The following NUP210 variants were observed in gnomAD, a reference collection of about 807,000 sequenced individuals.
NUP210 encodes the protein nucleoporin 210.
NUP210 carries 151 observed loss-of-function variants against 196.0 expected under a neutral mutation model. That is an observed-to-expected ratio of 0.77 (90% CI 0.67 to 0.88). The LOEUF (loss-of-function observed/expected upper bound fraction) is 0.88. Among genes scored for constraint, NUP210 ranks in the 40% least tolerant of loss-of-function variants. The pLI is 0.00. For missense variants in NUP210, 2,314 were observed against 2,493.7 expected (o/e 0.93, Z 1.53); for synonymous variants, 1,070 against 1,052.7 (o/e 1.02, Z -0.32).
intron 17 of NUP210, 76 bp from the exon 18 acceptor site, chr3:13,353,736 G>C (rs1297750595): frequency 7.2e-7 from 1 of 1,380,212 alleles, no homozygotes; most frequent in Non-Finnish European, 1.0e-6. Flanking sequence ...CCCTCCTTCT[G>C]ATTTGCAGTT....
rs1265939612 is a variant in NUP210 at position 13,420,140 on chromosome 3, G to A, written c.87C>T (p.Asn29=). ...AGPSAAAAKL[N]IPKVLLPFTR... is the part of the protein sequence containing the mutation. ...TGAAGGGCAGCAGCACTTTGGGGAT[G>A]TTGAGCTTGGCCGCAGCGGCGGAGG... Residue 29 remains asparagine, a synonymous_variant, in exon 1 of 40, where the codon AAC becomes AAT. Transcript: ENST00000254508. This position sits in a 1 kb window ranked among gnomAD's most constrained non-coding sequence, Gnocchi z 4.8. 6 of 1,334,538 alleles carry A rather than the reference G, an allele frequency of 4.5e-6. No individual in the cohort carries two copies. In the Admixed American group the frequency reaches 7.9e-5, roughly 18 times the overall value. The allele number at this position is 1,334,538 out of a possible 1,614,324, so 82.7% of individuals were successfully genotyped here. A position where few individuals can be genotyped will look rare whatever the true frequency, so the allele number is the denominator to read the frequency against.
intron 15 of NUP210, among the ~76,000 whole-genome samples, chr3:13,358,982 T>C (rs894436474): frequency 6.6e-6 from 1 of 152,234 alleles, no homozygotes; most frequent in East Asian, 1.9e-4. Flanking sequence ...CCTGGAGAGC[T>C]GGGACCTCAG....
chr3:13,335,256 T>C (rs961827177), intron 28 of NUP210, among the ~76,000 whole-genome samples, 198 bp downstream of exon 28: 5 of 152,202 alleles, frequency 3.3e-5, no homozygotes, highest in Non-Finnish European at 7.3e-5. Context: ...AGCCTTTGCT[T>C]GGCCCCACCT....
intron 2 of NUP210, 59 bp from the exon 3 acceptor site, chr3:13,397,547 T>C: frequency 6.7e-7 from 1 of 1,498,428 alleles, no homozygotes; most frequent in Non-Finnish European, 8.9e-7. Flanking sequence ...TGGCTCCACT[T>C]CCAAGCCTTG....
At chr3:13,361,915 C>G (rs1423071347) in intron 14 of NUP210, among the ~76,000 whole-genome samples, 3 of 152,116 alleles carry the variant, frequency 2.0e-5, no homozygotes, top group African/African-American at 7.2e-5. Context: ...ACCCTCCTGT[C>G]CTTGTCTCAC....
chr3:13,319,517 T>C lies in NUP210; in HGVS notation c.5384-192A>G, dbSNP rs189700289. On this transcript the variant is annotated intron_variant, in intron 37 of 39. Coordinates refer to ENST00000254508, the MANE Select transcript of NUP210 (RefSeq NM_024923.4). ...CTGTTCTTGGTACCCTGGCACTTCT[T>C]CTCCTGGCGCAGGCTGCTGAGCAGA... 2.8e-3 allele frequency among the ~76,000 whole-genome samples: 388 copies of C among 138,708 alleles called. 1 individual carries two copies. The highest frequency in any genetic ancestry group is 0.011 in the Middle Eastern group (3 of 276). 91.0% of individuals were successfully genotyped at this position (138,708 alleles called of 152,430 possible). A position where few individuals can be genotyped will look rare whatever the true frequency, so the allele number is the denominator to read the frequency against.
intron 20 of NUP210, 21 bp from the exon 21 acceptor site, chr3:13,343,324 T>TGGGGGGG: frequency 9.4e-6 from 2 of 211,912 alleles, no homozygotes; most frequent in African/African-American, 1.1e-4. Context: ...GGGGCGGAGG[T>TGGGGGGG]GGAGGGGTGG....
intron 3 of NUP210, among the ~76,000 whole-genome samples, chr3:13,393,417 T>C (rs1699553371): frequency 6.6e-6 from 1 of 151,930 alleles, no homozygotes; most frequent in Non-Finnish European, 1.5e-5. Context: ...GGAAGAAGAG[T>C]TGAATGTGTG....
At chr3:13,387,685 G>A (rs1164394662) in intron 5 of NUP210, among the ~76,000 whole-genome samples, 16 of 152,224 alleles carry the variant, frequency 1.1e-4, no homozygotes, top group Admixed American at 1.0e-3. Flanking sequence ...CTCAAAACGA[G>A]GCACTGGTTG....
chr3:13,407,718 C>G (rs967331765), intron 1 of NUP210, among the ~76,000 whole-genome samples: 1 of 152,178 alleles, frequency 6.6e-6, no homozygotes, highest in Non-Finnish European at 1.5e-5. Flanking sequence ...CTGTCCCTAT[C>G]TGCAACACCC....
At chr3:13,394,359 C>T (rs1233921982) in intron 3 of NUP210, among the ~76,000 whole-genome samples, 5 of 152,190 alleles carry the variant, frequency 3.3e-5, no homozygotes, top group East Asian at 1.9e-4. Context: ...GCTTTTTCCA[C>T]GCAAAAAGAA....
chr3:13,320,632 CAAAAAA>C lies in NUP210; in HGVS notation c.5167-659_5167-654del, dbSNP rs35982089. ...TGGGCGACAGAGCGAGACTCCGTCT[CAAAAAA>C]AAAAAAAAAAAAACTTTGGGAGGCC... On this transcript the variant is annotated intron_variant, in intron 36 of 39. Coordinates refer to ENST00000254508, the MANE Select transcript of NUP210 (RefSeq NM_024923.4). Among the ~76,000 whole-genome samples, 11 of 67,468 alleles carry C rather than the reference CAAAAAA, an allele frequency of 1.6e-4. 1 individual carries two copies. The highest frequency in any genetic ancestry group is 5.8e-4 in the South Asian group (1 of 1,722). The allele number at this position is 67,468 out of a possible 152,430, so 44.3% of individuals were successfully genotyped here.
rs1698909853 is a variant in NUP210 at position 13,376,384 on chromosome 3, G to A, written c.1200C>T (p.Leu400=). Residue 400 remains leucine (L), a synonymous_variant, in exon 10 of 40, where the codon CTC becomes CTT. Coordinates refer to ENST00000254508, the MANE Select transcript of NUP210 (RefSeq NM_024923.4). Reference sequence around the variant, plus strand: ...GGTATGACCCATTCTGGGAGGACGAGAGCACCTCGAAGAACTCAGCAGGAA... The same window carrying A: ...GGTATGACCCATTCTGGGAGGACGAAAGCACCTCGAAGAACTCAGCAGGAA... ...TVLPAEFFEV[L]SSSQNGSYHR... 3.7e-6 allele frequency: 6 copies of A among 1,614,126 alleles called. No individual in the cohort carries two copies. Among genetic ancestry groups the A allele is most frequent in the East Asian group, 2.2e-5 (1 of 44,888 alleles).
intron 15 of NUP210, 60 bp downstream of exon 15, chr3:13,360,210 G>C: frequency 7.3e-7 from 1 of 1,377,346 alleles, no homozygotes. Flanking sequence ...ACAATACTGA[G>C]AGAGTCATTT....
chr3:13,353,634 C>T lies in NUP210; in HGVS notation c.2548G>A (p.Ala850Thr). 1 of 1,614,104 alleles carries T rather than the reference C, an allele frequency of 6.2e-7. No individual in the cohort carries two copies. Among genetic ancestry groups the T allele is most frequent in the South Asian group, 1.1e-5 (1 of 91,080 alleles). The change falls in exon 18 of 40, where the codon GCA becomes ACA. Residue 850 changes from alanine to threonine, a missense_variant. Physicochemically the swap from Ala to Thr is moderately conservative, Grantham distance 58 (BLOSUM62 0). Transcript: ENST00000254508. ...GCAGTGATGGCTGTGGTTCCTGATGCCTCGTGAACCAAAATGGCCTGCAAA... is the reference window on the plus strand; with the variant it reads ...GCAGTGATGGCTGTGGTTCCTGATGTCTCGTGAACCAAAATGGCCTGCAAA... ...HGLQAILVHE[A>T]SGTTAITATA...
chr3:13,360,493 TG>T lies in NUP210; in HGVS notation c.1933-3del. 1 of 1,604,692 alleles carries T rather than the reference TG, an allele frequency of 6.2e-7. No homozygotes were observed. Among genetic ancestry groups the T allele is most frequent in the South Asian group, 1.1e-5 (1 of 89,512 alleles). Reference sequence around the variant, plus strand: ...GGCAACAGAGGAGGGATCCACAGCCTGGGGACAGAAGAGGCAGAAGACTTGG... The same window carrying T: ...GGCAACAGAGGAGGGATCCACAGCCTGGGACAGAAGAGGCAGAAGACTTGG... On this transcript the variant is annotated splice_region_variant and splice_polypyrimidine_tract_variant and intron_variant, in intron 14 of 39. Transcript: ENST00000254508.
At chr3:13,367,390 G>A (rs1227447602) in intron 13 of NUP210, among the ~76,000 whole-genome samples, 1 of 152,106 alleles carries the variant, frequency 6.6e-6, no homozygotes, top group South Asian at 2.1e-4. Flanking sequence ...AGCCGAGAAC[G>A]CACCATTGCA....
At chr3:13,343,332 TGGGTGGTGGG>T in intron 20 of NUP210, 29 bp from the exon 21 acceptor site, 2 of 214,666 alleles carry the variant, frequency 9.3e-6, no homozygotes, top group Admixed American at 1.2e-4. Context: ...GGTGGAGGGG[TGGGTGGTGGG>T]TTACGCAGCT....
intron 21 of NUP210, among the ~76,000 whole-genome samples, chr3:13,342,809 AG>A (rs1431667665): frequency 6.6e-6 from 1 of 152,350 alleles, no homozygotes; most frequent in East Asian, 1.9e-4. Context: ...CTGACACCCC[AG>A]TGAACCCAAA....
Sources: gnomAD v4.1 joint callset for allele counts (sites outside exome capture counted in the v4.1 genomes callset) on GRCh38, gnomAD v4.1.1 for gene constraint, Gnocchi (gnomAD v3.1) non-coding constraint, MANE v1.5 for transcripts, NCBI Gene and HGNC (gene_info 2026-07-23, HGNC 2026-07-21) for gene names.